The following ANKS1B variants were observed in gnomAD, a reference collection of about 807,000 sequenced individuals.
The protein encoded by ANKS1B is ankyrin repeat and sterile alpha motif domain containing 1B.
A neutral mutation model predicts 148.3 loss-of-function variants in ANKS1B; 36 were observed. The observed-to-expected ratio is 0.24, with a 90% CI of 0.19 to 0.32. ANKS1B has a LOEUF of 0.32. Ranked by LOEUF, ANKS1B falls within the 10% of genes least tolerant of loss-of-function variation. The pLI, the probability that ANKS1B is intolerant of heterozygous loss-of-function variation, is 1.00. For synonymous variants in ANKS1B, 542 were observed against 560.8 expected (o/e 0.97, Z 0.47); for missense variants, 1,157 against 1,542.6 (o/e 0.75, Z 4.19).
chr12:99,804,221 A>G (rs1264585027), intron 4 of ANKS1B, among the ~76,000 whole-genome samples: 2 of 152,204 alleles, frequency 1.3e-5, no homozygotes, highest in Non-Finnish European at 2.9e-5. Flanking sequence ...CAGTACATCC[A>G]GATTAGAGAA....
intron 12 of ANKS1B, among the ~76,000 whole-genome samples, chr12:99,360,413 TACTA>T (rs1428194674): frequency 1.3e-5 from 2 of 152,108 alleles, no homozygotes; most frequent in African/African-American, 2.4e-5. Flanking sequence ...AAATATCGAA[TACTA>T]AATAATATAC....
chr12:99,197,108 T>C (rs953596044), intron 14 of ANKS1B, among the ~76,000 whole-genome samples: 1 of 152,130 alleles, frequency 6.6e-6, no homozygotes, highest in Non-Finnish European at 1.5e-5. Context: ...GCCTGGGTCA[T>C]AGGTCCAATC....
intron 9 of ANKS1B, among the ~76,000 whole-genome samples, chr12:99,556,222 G>A (rs184974278): frequency 1.9e-4 from 29 of 152,276 alleles, no homozygotes; most frequent in Middle Eastern, 6.8e-3. Context: ...GTATGCAGAG[G>A]TGTTGATAAT....
chr12:99,536,338 T>C (rs10777994), intron 9 of ANKS1B, among the ~76,000 whole-genome samples: 38,243 of 152,056 alleles, frequency 0.25, 5,650 homozygotes, highest in African/African-American at 0.4. Flanking sequence ...AAGGGAGATA[T>C]GGGAAATCTC....
exon 10 of ANKS1B, chr12:98,735,516 C>G (rs570058825): frequency 3.0e-5 from 21 of 692,722 alleles, no homozygotes; most frequent in Non-Finnish European, 5.8e-5. Flanking sequence ...AATACATCAA[C>G]CTTTCTATTT....
In ANKS1B at chr12:99,604,500, A is replaced by G. The variant is rs577583354; in HGVS notation, c.1272+50567T>C. Among the ~76,000 whole-genome samples the G allele has an allele frequency of 1.9e-3, 293 of 152,234 alleles. 10 individuals are homozygous for G. The highest frequency in any genetic ancestry group is 3.4e-3 in the Middle Eastern group (1 of 294). ...TGGTTAAATATTATCTTGGATATTTATTAATCAAAATGACAATAAAAAATG... is the reference window on the plus strand; with the variant it reads ...TGGTTAAATATTATCTTGGATATTTGTTAATCAAAATGACAATAAAAAATG... On this transcript the variant is annotated intron_variant, in intron 9 of 26. Transcript: ENST00000683438.
intron 1 of ANKS1B, among the ~76,000 whole-genome samples, chr12:99,902,594 A>C (rs1345331133): frequency 6.6e-6 from 1 of 152,166 alleles, no homozygotes; most frequent in Non-Finnish European, 1.5e-5. Context: ...GAAGAGGGAA[A>C]GAAGGAAGGA....
chr12:99,148,895 G>A (rs1006300037), intron 15 of ANKS1B, among the ~76,000 whole-genome samples: 1 of 151,880 alleles, frequency 6.6e-6, no homozygotes, highest in Non-Finnish European at 1.5e-5. Context: ...AATTATTTTA[G>A]AAAACTATAG....
chr12:99,805,281 A>AAAAAAAAAAAAAAAAAAAAAAC (rs2067484859), intron 4 of ANKS1B, among the ~76,000 whole-genome samples: 1 of 148,142 alleles, frequency 6.8e-6, no homozygotes, highest in Non-Finnish European at 1.5e-5. Flanking sequence ...AAAAAAAAAA[A>AAAAAAAAAAAAAAAAAAAAAAC]AAAAAAAGAC....
chr12:99,482,835 C>T (rs1181854254), intron 10 of ANKS1B, among the ~76,000 whole-genome samples: 2 of 151,936 alleles, frequency 1.3e-5, no homozygotes, highest in Non-Finnish European at 2.9e-5. Context: ...TATAGCAGTG[C>T]TATGGATTTG....
At chr12:98,808,653 A>T (rs2153617523) in intron 19 of ANKS1B, among the ~76,000 whole-genome samples, 1 of 152,328 alleles carries the variant, frequency 6.6e-6, no homozygotes, top group South Asian at 2.1e-4. Context: ...AGATAAACTT[A>T]TCAGTAATGT....
intron 25 of ANKS1B, among the ~76,000 whole-genome samples, chr12:98,759,090 G>T (rs1391548271): frequency 6.6e-6 from 1 of 151,948 alleles, no homozygotes; most frequent in Non-Finnish European, 1.5e-5. Context: ...CTGGGATTTT[G>T]ATCTGCGAAT....
chr12:99,456,120 A>G (rs1347765491), intron 10 of ANKS1B, among the ~76,000 whole-genome samples: 1 of 152,152 alleles, frequency 6.6e-6, no homozygotes, highest in Non-Finnish European at 1.5e-5. Flanking sequence ...AGACACTCCC[A>G]GTACCAGCCT....
At chr12:99,200,701 A>G (rs1277504483) in intron 14 of ANKS1B, among the ~76,000 whole-genome samples, 1 of 152,200 alleles carries the variant, frequency 6.6e-6, no homozygotes, top group Non-Finnish European at 1.5e-5. Flanking sequence ...GTCTAAATTC[A>G]GGAAAGTCAC....
chr12:98,940,459 T>C (rs2099834921), intron 17 of ANKS1B, among the ~76,000 whole-genome samples: 1 of 152,194 alleles, frequency 6.6e-6, no homozygotes, highest in African/African-American at 2.4e-5. Context: ...CTGAATTCTT[T>C]CAGGGCTCAG....
chr12:98,853,304 G>A (rs1292665432), intron 17 of ANKS1B, among the ~76,000 whole-genome samples: 1 of 152,206 alleles, frequency 6.6e-6, no homozygotes, highest in Non-Finnish European at 1.5e-5. Context: ...TGTCTGCAGA[G>A]TTCCATCAGG....
At chr12:99,845,479 A>G (rs575169913) in intron 1 of ANKS1B, among the ~76,000 whole-genome samples, 5 of 152,254 alleles carry the variant, frequency 3.3e-5, no homozygotes, top group Admixed American at 3.3e-4. Flanking sequence ...ATCTATTGAG[A>G]TAATCATGTG....
At chr12:98,742,745 G>A (rs557022414), downstream of ANKS1B, among the ~76,000 whole-genome samples, 16 of 152,354 alleles carry the variant, frequency 1.1e-4, no homozygotes, top group South Asian at 3.1e-3. Context: ...CTTTGGAACC[G>A]GTTTCTGTGG....
chr12:99,341,199 T>C (rs1182313157), intron 12 of ANKS1B: 2 of 152,156 alleles, frequency 1.3e-5, no homozygotes, highest in East Asian at 3.9e-4. Flanking sequence ...AAACTATTTG[T>C]GGATTACTCT....
Sources: gnomAD v4.1 joint callset for allele counts (sites outside exome capture counted in the v4.1 genomes callset) on GRCh38, gnomAD v4.1.1 for gene constraint, MANE v1.5 for transcripts, NCBI Gene and HGNC (gene_info 2026-07-23, HGNC 2026-07-21) for gene names.